Variants in CCDC18 observed in about 807,000 individuals in gnomAD.
The protein encoded by CCDC18 is coiled-coil domain-containing protein 18.
Under a neutral mutation model 196.0 loss-of-function variants are expected in CCDC18, and 157 were observed. The observed-to-expected ratio is 0.80, with a 90% CI of 0.70 to 0.91. CCDC18 has a LOEUF of 0.91. Ranked by LOEUF, CCDC18 falls within the 40% of genes least tolerant of loss-of-function variation. CCDC18 has a pLI of 0.00. For missense variants in CCDC18, 1,465 were observed against 1,611.6 expected, an observed-to-expected ratio of 0.91 and a Z score of 1.56; for synonymous variants, 482 against 529.2, an observed-to-expected ratio of 0.91 and a Z score of 1.22.
At chr1:93,270,964 C>A (rs1665207850) in intron 28 of CCDC18, 150 bp downstream of exon 28, 2 of 1,383,302 alleles carry the variant, frequency 1.4e-6, no homozygotes, top group Non-Finnish European at 1.9e-6. Flanking sequence ...AAAATCAATA[C>A]CAAAAGACAT....
In CCDC18 at chr1:93,217,754, TAAG is replaced by T; in HGVS notation, c.1848_1850del (p.Ile616_Arg617delinsMet). The T allele has an allele frequency of 6.2e-7, 1 of 1,603,210 alleles. No individual in the cohort carries two copies. The highest frequency in any genetic ancestry group is 1.4e-5 in the African/African-American group (1 of 73,978). On this transcript the variant is annotated inframe_deletion, in exon 14 of 29. Transcript: ENST00000690025. ...TGTTTCTAGGAAAAGAATGAAAAGA[TAAG>T]GAGTCTAGAAACCAATATTAATACA...
In CCDC18 at chr1:93,264,847, A is replaced by C. The variant is rs777877599; in HGVS notation, c.3831A>C (p.Gln1277His). The C allele has an allele frequency of 8.1e-6, 13 of 1,613,562 alleles. No individual in the cohort carries two copies. In the South Asian group the frequency reaches 1.4e-4, roughly 18 times the overall value. ...AQDTVSNLHQQVQDRNEVIEA... is the reference protein window; with the variant it reads ...AQDTVSNLHQHVQDRNEVIEA... ...ATACTGTAAGCAATTTGCATCAACA[A>C]GTCCAAGATAGGAATGAAGTAATTG... Residue 1277 changes from glutamine to histidine, a missense_variant, in exon 27 of 29, where the codon CAA becomes CAC. Transcript: ENST00000690025.
intron 6 of CCDC18, among the ~76,000 whole-genome samples, chr1:93,195,834 C>G (rs1352136129): frequency 6.6e-6 from 1 of 152,070 alleles, no homozygotes; most frequent in Non-Finnish European, 1.5e-5. Flanking sequence ...TATAAACTAC[C>G]CAGACTATGA....
intron 6 of CCDC18, among the ~76,000 whole-genome samples, chr1:93,198,986 T>G (rs1332986311): frequency 1.3e-5 from 2 of 152,186 alleles, no homozygotes; most frequent in Non-Finnish European, 2.9e-5. Context: ...TTTGTTTTAA[T>G]CAGGTATGGT....
In CCDC18 at chr1:93,258,898, T is replaced by G; in HGVS notation, c.3684+13T>G. On this transcript the variant is annotated intron_variant, in intron 26 of 28. Transcript: ENST00000690025. ...TTATCATATGGAGGTAAAGAAAAAT[T>G]TAATTTGTTTTGTTAGTGCCCACTA... 1 of 1,582,652 alleles carries G rather than the reference T, an allele frequency of 6.3e-7. No homozygotes were observed. The highest frequency in any genetic ancestry group is 8.6e-7 in the Non-Finnish European group (1 of 1,167,216).
chr1:93,238,618 TTTAA>T (rs1217625866), intron 19 of CCDC18, among the ~76,000 whole-genome samples: 1 of 152,196 alleles, frequency 6.6e-6, no homozygotes, highest in Non-Finnish European at 1.5e-5. Context: ...TTAACAATTG[TTTAA>T]TTAGTAAATA....
At chr1:93,238,068 T>C (rs2100808820) in intron 19 of CCDC18, among the ~76,000 whole-genome samples, 1 of 152,364 alleles carries the variant, frequency 6.6e-6, no homozygotes, top group Middle Eastern at 3.4e-3. Context: ...TTTTATAAAA[T>C]GTCTGTAGGC....
At chr1:93,190,586 A>T (rs1238933178) in intron 4 of CCDC18, among the ~76,000 whole-genome samples, 1 of 151,810 alleles carries the variant, frequency 6.6e-6, no homozygotes, top group East Asian at 1.9e-4. Flanking sequence ...AGTGGACTTT[A>T]TTTCTGGGTG....
chr1:93,218,852 T>C (rs1025160554), intron 14 of CCDC18, among the ~76,000 whole-genome samples: 4 of 152,202 alleles, frequency 2.6e-5, no homozygotes, highest in African/African-American at 9.7e-5. Flanking sequence ...TGAGTCATCT[T>C]TGAGAACAGC....
intron 20 of CCDC18, 41 bp from the exon 21 acceptor site, chr1:93,239,642 G>T (rs768580071): frequency 1.4e-6 from 2 of 1,432,288 alleles, no homozygotes; most frequent in South Asian, 2.5e-5. Flanking sequence ...TGTAATAAAT[G>T]GTTTACATAT....
At chr1:93,219,654 G>A (rs1034639238) in intron 14 of CCDC18, among the ~76,000 whole-genome samples, 1 of 152,280 alleles carries the variant, frequency 6.6e-6, no homozygotes, top group East Asian at 1.9e-4. Context: ...AATTCAAAAC[G>A]TATGAATTGT....
intron 22 of CCDC18, 117 bp from the exon 23 acceptor site, chr1:93,246,721 C>A: frequency 3.5e-6 from 2 of 568,894 alleles, no homozygotes; most frequent in Non-Finnish European, 6.3e-6. Context: ...AGTATATTAG[C>A]TATACTAATG....
chr1:93,274,309 G>A (rs1225194079), intron 28 of CCDC18, among the ~76,000 whole-genome samples: 2 of 152,014 alleles, frequency 1.3e-5, no homozygotes, highest in African/African-American at 4.8e-5. Context: ...AGGCTGAGGT[G>A]GAGAATTGCT....
At chr1:93,249,216 T>C (rs909917405) in intron 23 of CCDC18, among the ~76,000 whole-genome samples, 1 of 152,174 alleles carries the variant, frequency 6.6e-6, no homozygotes, top group Non-Finnish European at 1.5e-5. Flanking sequence ...TCCAGGAATT[T>C]ATCCATTTCT....
intron 9 of CCDC18, among the ~76,000 whole-genome samples, chr1:93,208,157 T>C (rs1417343755): frequency 6.6e-6 from 1 of 152,202 alleles, no homozygotes; most frequent in Non-Finnish European, 1.5e-5. Flanking sequence ...GGTCATATGG[T>C]GAATTTATTC....
At chr1:93,255,405 G>A (rs568769559) in intron 24 of CCDC18, among the ~76,000 whole-genome samples, 1 of 152,220 alleles carries the variant, frequency 6.6e-6, no homozygotes, top group Non-Finnish European at 1.5e-5. Context: ...TGTGTTGACT[G>A]GTGAATTCAT....
chr1:93,194,829 A>G (rs1652441123), intron 6 of CCDC18, among the ~76,000 whole-genome samples: 1 of 152,174 alleles, frequency 6.6e-6, no homozygotes, highest in Non-Finnish European at 1.5e-5. Flanking sequence ...CCTCTATGCA[A>G]CTTAGATAAG....
intron 18 of CCDC18, among the ~76,000 whole-genome samples, chr1:93,234,468 A>G (rs745938810): frequency 4.0e-5 from 6 of 151,822 alleles, no homozygotes; most frequent in Non-Finnish European, 8.8e-5. Context: ...CCTCATTTGT[A>G]TTTTTTATTT....
chr1:93,233,462 TC>T (rs1317819214), intron 18 of CCDC18, among the ~76,000 whole-genome samples: 2 of 152,202 alleles, frequency 1.3e-5, no homozygotes, highest in Admixed American at 1.3e-4. Context: ...AAAATGATCG[TC>T]CCCTGTAATC....
Sources: gnomAD v4.1 joint callset for allele counts (sites outside exome capture counted in the v4.1 genomes callset) on GRCh38, gnomAD v4.1.1 for gene constraint, MANE v1.5 for transcripts, NCBI Gene and HGNC (gene_info 2026-07-23, HGNC 2026-07-21) for gene names.